DACH1: variants seen among roughly 807,000 people sequenced by gnomAD.
The protein encoded by DACH1 is dachshund family transcription factor 1, also known as dachshund homolog 1.
In DACH1, 12 loss-of-function variants were observed where a neutral mutation model predicts 54.2. The ratio of observed to expected loss-of-function variants is 0.22; its 90% CI spans 0.14 to 0.36. The LOEUF is 0.36. Among genes scored for constraint, DACH1 ranks in the 10% least tolerant of loss-of-function variants. The probability of loss-of-function intolerance (pLI) is 1.00; values close to 1 mark genes in which losing one functional copy is unlikely to be tolerated. For missense variants in DACH1, 805 were observed against 929.8 expected (o/e 0.87, Z 1.75); for synonymous variants, 386 against 366.2 (o/e 1.05, Z -0.62).
rs74637840 is a variant in DACH1 at position 71,611,554 on chromosome 13, T to C, written c.1126+19002A>G. Among the ~76,000 whole-genome samples, 193 of 152,336 alleles carry C rather than the reference T, an allele frequency of 1.3e-3. 2 individuals are homozygous for C. The East Asian group carries it at 0.03, about 24-fold the overall frequency. ...GGTTTCTTATACCTTCCGTATTTCATTTCCTCATGCACAGCTGTGTTAGAA... is the reference window on the plus strand; with the variant it reads ...GGTTTCTTATACCTTCCGTATTTCACTTCCTCATGCACAGCTGTGTTAGAA... On this transcript the variant is annotated intron_variant, in intron 3 of 10. Transcript: ENST00000613252.
chr13:71,448,799 TG>T (rs1874711568), intron 10 of DACH1, among the ~76,000 whole-genome samples: 1 of 149,218 alleles, frequency 6.7e-6, no homozygotes, highest in Non-Finnish European at 1.5e-5. Context: ...AAGTAAAAAC[TG>T]AAAAAGTAGT....
chr13:71,505,718 C>T (rs572508913), intron 6 of DACH1, among the ~76,000 whole-genome samples: 1 of 152,084 alleles, frequency 6.6e-6, no homozygotes, highest in Non-Finnish European at 1.5e-5. Flanking sequence ...AGTTATCTTT[C>T]ATTACTTATT....
chr13:71,610,684 G>T (rs1875264683), intron 3 of DACH1, among the ~76,000 whole-genome samples: 1 of 152,074 alleles, frequency 6.6e-6, no homozygotes, highest in Non-Finnish European at 1.5e-5. Context: ...GAAATATTCT[G>T]AAGTTTTTTG....
At chr13:71,662,720 C>A (rs574917136) in intron 2 of DACH1, among the ~76,000 whole-genome samples, 1 of 151,960 alleles carries the variant, frequency 6.6e-6, no homozygotes, top group East Asian at 1.9e-4. Context: ...ATATTGCTAT[C>A]GGATTTAATT....
chr13:71,704,060 G>A (rs1298423754), intron 1 of DACH1: 2 of 154,670 alleles, frequency 1.3e-5, no homozygotes, highest in African/African-American at 4.8e-5. Flanking sequence ...CTTCAAATAA[G>A]GAAGTGTAGA....
chr13:71,800,151 G>T (rs1887233419), intron 1 of DACH1, among the ~76,000 whole-genome samples: 1 of 152,014 alleles, frequency 6.6e-6, no homozygotes. Flanking sequence ...AAAAGCGAAA[G>T]TTGGACAAGA....
chr13:71,483,320 T>C (rs892597997), intron 7 of DACH1, among the ~76,000 whole-genome samples: 1 of 148,668 alleles, frequency 6.7e-6, no homozygotes, highest in African/African-American at 2.4e-5. Context: ...TTGTTGGGGT[T>C]TATGCAAAGT....
intron 10 of DACH1, among the ~76,000 whole-genome samples, chr13:71,441,016 A>G (rs1873964391): frequency 6.6e-6 from 1 of 152,014 alleles, no homozygotes; most frequent in South Asian, 2.1e-4. Flanking sequence ...CTGTTGAATA[A>G]CAATTACTTC....
rs1313709495 is a variant in DACH1 at position 71,656,929 on chromosome 13, T to TATATAC, written c.964+24865_964+24866insGTATAT. Among the ~76,000 whole-genome samples, 20 of 130,388 alleles carry TATATAC rather than the reference T, an allele frequency of 1.5e-4. No individual in the cohort carries two copies. In the East Asian group the frequency reaches 3.8e-3, roughly 25 times the overall value. 85.5% of individuals were successfully genotyped at this position (130,388 alleles called of 152,430 possible). ...ATTGACTGTTCTTCTTTCATATATA[T>TATATAC]ATATATATATATATATATATGCGCA... On this transcript the variant is annotated intron_variant, in intron 2 of 10. Coordinates refer to ENST00000613252, the MANE Select transcript of DACH1 (RefSeq NM_080759.6).
At chr13:71,732,156 A>AT (rs997230320) in intron 1 of DACH1, among the ~76,000 whole-genome samples, 1 of 151,998 alleles carries the variant, frequency 6.6e-6, no homozygotes, top group Non-Finnish European at 1.5e-5. Flanking sequence ...AAGACGACTT[A>AT]TTTTTTTCCT....
rs572383054 is a variant in DACH1, at chr13:71,725,447, T to C, written c.849-43537A>G. Among the ~76,000 whole-genome samples the C allele has an allele frequency of 2.0e-5, 3 of 152,212 alleles. No individual in the cohort carries two copies. The East Asian group carries it at 5.8e-4, about 29-fold the overall frequency. On this transcript the variant is annotated intron_variant, in intron 1 of 10. Coordinates refer to ENST00000613252, the MANE Select transcript of DACH1 (RefSeq NM_080759.6). ...GCATTGTGGTATCTAACATTTAATA[T>C]TAAAGTAAAATGCCCTAGGGAAGGA...
intron 2 of DACH1, among the ~76,000 whole-genome samples, chr13:71,656,383 T>C (rs1187763337): frequency 6.6e-6 from 1 of 152,178 alleles, no homozygotes; most frequent in Non-Finnish European, 1.5e-5. Context: ...ATTTTTCTTC[T>C]GCCTACTGAA....
chr13:71,844,185 T>C (rs111267797), intron 1 of DACH1, among the ~76,000 whole-genome samples: 93 of 152,330 alleles, frequency 6.1e-4, no homozygotes, highest in East Asian at 3.1e-3. Flanking sequence ...TGAGTGATTC[T>C]GGTATGCTTA....
In DACH1 at chr13:71,648,741, T is replaced by C. The variant is rs190517112; in HGVS notation, c.965-18024A>G. 2.0e-5 allele frequency among the ~76,000 whole-genome samples: 3 copies of C among 152,212 alleles called. No individual in the cohort carries two copies. In the East Asian group the frequency reaches 5.8e-4, roughly 29 times the overall value. ...TCAGGATCACATTGCTTAGGTCTCA[T>C]AGAATTGATGAGAACATTAGATGCC... On this transcript the variant is annotated intron_variant, in intron 2 of 10. Transcript: ENST00000613252.
At chr13:71,809,315 G>C (rs1209848282) in intron 1 of DACH1, among the ~76,000 whole-genome samples, 1 of 152,042 alleles carries the variant, frequency 6.6e-6, no homozygotes, top group Admixed American at 6.6e-5. Flanking sequence ...GGGATTACAG[G>C]CATTGCCACT....
At chr13:71,455,311 A>ATACC in intron 10 of DACH1, among the ~76,000 whole-genome samples, 1 of 152,258 alleles carries the variant, frequency 6.6e-6, no homozygotes, top group African/African-American at 2.4e-5. Flanking sequence ...GATATATCAT[A>ATACC]TATCTATCTC....
At chr13:71,796,921 A>G (rs1887080017) in intron 1 of DACH1, among the ~76,000 whole-genome samples, 2 of 152,128 alleles carry the variant, frequency 1.3e-5, no homozygotes, top group African/African-American at 4.8e-5. Flanking sequence ...AGTGAAAGAA[A>G]TAATAAAAAT....
At chr13:71,725,077 A>G (rs1384948099) in intron 1 of DACH1, among the ~76,000 whole-genome samples, 1 of 152,160 alleles carries the variant, frequency 6.6e-6, no homozygotes, top group Non-Finnish European at 1.5e-5. Flanking sequence ...GAAACTGTAA[A>G]AAAAAAATTC....
intron 6 of DACH1, among the ~76,000 whole-genome samples, chr13:71,526,480 A>G (rs1245739315): frequency 1.3e-5 from 2 of 152,106 alleles, no homozygotes; most frequent in East Asian, 3.9e-4. Flanking sequence ...TACTGACTAC[A>G]AATATCTTCT....
Sources: allele counts gnomAD v4.1 joint callset (sites outside exome capture counted in the v4.1 genomes callset), GRCh38; gene constraint gnomAD v4.1.1; transcripts MANE v1.5; gene names NCBI Gene and HGNC (gene_info 2026-07-23, HGNC 2026-07-21).